Variants in ATF7 observed in about 807,000 individuals in gnomAD.
ATF7 encodes the protein cyclic AMP-dependent transcription factor ATF-7.
ATF7 carries 10 observed loss-of-function variants against 50.4 expected under a neutral mutation model. The ratio of observed to expected loss-of-function variants is 0.20; its 90% CI spans 0.12 to 0.34. ATF7 has a LOEUF of 0.34. Among genes scored for constraint, ATF7 ranks in the 10% least tolerant of loss-of-function variants. The pLI is 1.00. For synonymous variants in ATF7, 201 were observed against 226.4 expected (o/e 0.89, Z 1.01); for missense variants, 465 against 613.9 (o/e 0.76, Z 2.56).
At chr12:53,547,283 CTTTTTTTTT>C (rs34610513) in intron 3 of ATF7, among the ~76,000 whole-genome samples, 2 of 62,554 alleles carry the variant, frequency 3.2e-5, no homozygotes, top group Admixed American at 2.3e-4. Flanking sequence ...CGTGCCCAGC[CTTTTTTTTT>C]TTTTTTTTTT....
intron 2 of ATF7, among the ~76,000 whole-genome samples, chr12:53,589,572 C>T (rs922038672): frequency 6.6e-6 from 1 of 152,176 alleles, no homozygotes; most frequent in Non-Finnish European, 1.5e-5. Flanking sequence ...ATGCTAAGAA[C>T]TTTCCCTAGG....
At chr12:53,557,066 C>T (rs1161775007) in intron 2 of ATF7, among the ~76,000 whole-genome samples, 1 of 151,908 alleles carries the variant, frequency 6.6e-6, no homozygotes, top group African/African-American at 2.4e-5. Context: ...CTAAAAATAG[C>T]TAAAGTGTTA....
At chr12:53,606,976 G>A in intron 1 of ATF7, among the ~76,000 whole-genome samples, 1 of 152,010 alleles carries the variant, frequency 6.6e-6, no homozygotes. Context: ...TGGACATTTA[G>A]GTTGGTTCCA....
At chr12:53,617,467 A>G (rs2137920885) in intron 1 of ATF7, among the ~76,000 whole-genome samples, 1 of 152,238 alleles carries the variant, frequency 6.6e-6, no homozygotes, top group Non-Finnish European at 1.5e-5. Flanking sequence ...CGTCTCTACT[A>G]AAAATACAAA....
intron 3 of ATF7, among the ~76,000 whole-genome samples, chr12:53,547,205 C>T (rs1371192106): frequency 1.3e-5 from 2 of 149,318 alleles, no homozygotes; most frequent in Non-Finnish European, 3.0e-5. Context: ...AGGATGGTCT[C>T]GATCTCCTGA....
chr12:53,587,632 C>A, intron 2 of ATF7, among the ~76,000 whole-genome samples: 1 of 147,646 alleles, frequency 6.8e-6, no homozygotes, highest in Non-Finnish European at 1.5e-5. Context: ...GATCGCACCA[C>A]TGTACTCCAG....
chr12:53,538,225 A>G (rs936881911), intron 4 of ATF7, among the ~76,000 whole-genome samples: 18 of 152,328 alleles, frequency 1.2e-4, no homozygotes, highest in African/African-American at 4.1e-4. Context: ...ATAATTCCTG[A>G]ATCTGCTGGC....
intron 2 of ATF7, among the ~76,000 whole-genome samples, chr12:53,572,455 C>T (rs1941814613): frequency 6.6e-6 from 1 of 152,146 alleles, no homozygotes; most frequent in African/African-American, 2.4e-5. Flanking sequence ...CCAGGGAGAC[C>T]CAGTCACAGA....
intron 1 of ATF7, among the ~76,000 whole-genome samples, chr12:53,621,599 T>C (rs1944382140): frequency 1.3e-5 from 2 of 151,522 alleles, no homozygotes; most frequent in South Asian, 4.2e-4. Flanking sequence ...CTAGCCAACA[T>C]GGTGAAACCC....
downstream of ATF7, among the ~76,000 whole-genome samples, chr12:53,511,312 G>A (rs181502437): frequency 3.9e-5 from 6 of 152,262 alleles, no homozygotes; most frequent in East Asian, 5.8e-4. Flanking sequence ...GCAACGGCAC[G>A]ATCTTAGCTT....
intron 2 of ATF7, among the ~76,000 whole-genome samples, chr12:53,580,663 C>CA (rs539252431): frequency 0.019 from 687 of 37,002 alleles, 14 homozygotes; most frequent in African/African-American, 0.048. Flanking sequence ...GACTCCATCT[C>CA]AAAAAAAAAA....
intron 11 of ATF7, among the ~76,000 whole-genome samples, chr12:53,517,770 GC>G (rs1937806861): frequency 2.0e-5 from 3 of 152,118 alleles, no homozygotes; most frequent in African/African-American, 7.2e-5. Context: ...ACTGCGCCTG[GC>G]CTTCATTTCT....
chr12:53,550,462 G>A (rs572223461), intron 3 of ATF7, among the ~76,000 whole-genome samples: 17 of 151,962 alleles, frequency 1.1e-4, no homozygotes, highest in Non-Finnish European at 2.2e-4. Flanking sequence ...TCAATAGTAT[G>A]TATGCAACAT....
chr12:53,564,401 A>C (rs1941323816), intron 2 of ATF7, among the ~76,000 whole-genome samples: 1 of 152,138 alleles, frequency 6.6e-6, no homozygotes, highest in Non-Finnish European at 1.5e-5. Flanking sequence ...CTCAACTAAA[A>C]TACCTTGTGC....
intron 11 of ATF7, among the ~76,000 whole-genome samples, chr12:53,518,639 T>G (rs1937881098): frequency 6.6e-6 from 1 of 152,196 alleles, no homozygotes; most frequent in Non-Finnish European, 1.5e-5. Context: ...GGAGTTTTAT[T>G]AAACATCGGA....
chr12:53,571,321 A>G (rs1941749073), intron 2 of ATF7, among the ~76,000 whole-genome samples: 1 of 152,142 alleles, frequency 6.6e-6, no homozygotes. Flanking sequence ...CTTTTCTTTC[A>G]AGCCACCTAG....
intron 1 of ATF7, among the ~76,000 whole-genome samples, chr12:53,602,768 G>A (rs1462440909): frequency 6.6e-6 from 1 of 152,200 alleles, no homozygotes; most frequent in African/African-American, 2.4e-5. Flanking sequence ...ACAGCCCCAG[G>A]ATGAGGGGGG....
chr12:53,591,985 T>C (rs1420992013), intron 2 of ATF7, among the ~76,000 whole-genome samples: 1 of 151,852 alleles, frequency 6.6e-6, no homozygotes, highest in Non-Finnish European at 1.5e-5. Flanking sequence ...TCCACTGGGA[T>C]TTAAAGACAG....
chr12:53,560,002 A>C (rs1941006396), intron 2 of ATF7, among the ~76,000 whole-genome samples: 3 of 149,538 alleles, frequency 2.0e-5, no homozygotes, highest in Admixed American at 6.7e-5. Flanking sequence ...GGCTCACCGC[A>C]ACCTCCGCCT....
Sources: allele counts gnomAD v4.1 joint callset (sites outside exome capture counted in the v4.1 genomes callset), GRCh38; gene constraint gnomAD v4.1.1; transcripts MANE v1.5; gene names NCBI Gene and HGNC (gene_info 2026-07-23, HGNC 2026-07-21).